Variants in TMTC1 observed in about 807,000 individuals in gnomAD.
The protein encoded by TMTC1 is protein O-mannosyl-transferase TMTC1.
TMTC1 carries 73 observed loss-of-function variants against 104.8 expected under a neutral mutation model. The observed-to-expected ratio is 0.70, with a 90% CI of 0.58 to 0.85. The LOEUF (loss-of-function observed/expected upper bound fraction) is 0.85. TMTC1 is among the 40% of genes least tolerant of loss of function. The pLI is 0.00. For missense variants in TMTC1, 1,035 were observed against 1,096.1 expected (o/e 0.94, Z 0.79); for synonymous variants, 434 against 428.7 (o/e 1.01, Z -0.15).
intron 5 of TMTC1, among the ~76,000 whole-genome samples, chr12:29,669,099 A>G (rs1002320322): frequency 1.7e-5 from 2 of 119,428 alleles, no homozygotes; most frequent in African/African-American, 7.3e-5. Context: ...GGAGTGGGAC[A>G]GATGAGGATG....
intron 17 of TMTC1, among the ~76,000 whole-genome samples, chr12:29,507,233 A>G (rs1943717688): frequency 6.6e-6 from 1 of 152,120 alleles, no homozygotes; most frequent in Admixed American, 6.5e-5. Context: ...TGGCAGAAAA[A>G]CAGATTTTCA....
chr12:29,701,196 G>C (rs747516828), intron 5 of TMTC1, among the ~76,000 whole-genome samples: 1 of 152,098 alleles, frequency 6.6e-6, no homozygotes, highest in Non-Finnish European at 1.5e-5. Context: ...ATTGAGTAGA[G>C]CTCCATGGGA....
In TMTC1 at chr12:29,758,748, C is replaced by T; in HGVS notation, c.510G>A (p.Val170=). The change falls in exon 3 of 18, where the codon GTG becomes GTA. Residue 170 remains valine, a synonymous_variant. Transcript: ENST00000539277. ...AVAGIVGRAD[V]LACLLFLLAF... ...CCAATAGAAACAGCAGACACGCTAA[C>T]ACGTCCGCTCTGCCAACGATCCCAG... The T allele has an allele frequency of 1.9e-6, 3 of 1,611,504 alleles. No individual in the cohort carries two copies. The highest frequency in any genetic ancestry group is 8.5e-7 in the Non-Finnish European group (1 of 1,179,170).
chr12:29,780,296 T>C (rs1943804396), intron 1 of TMTC1, among the ~76,000 whole-genome samples: 2 of 152,298 alleles, frequency 1.3e-5, no homozygotes, highest in South Asian at 2.1e-4. Context: ...ATCCATACAA[T>C]GGAATACAAC....
rs558388518 is a variant in TMTC1 at position 29,702,629 on chromosome 12, G to A, written c.938+49037C>T. Among the ~76,000 whole-genome samples the A allele has an allele frequency of 4.6e-5, 7 of 152,258 alleles. No individual in the cohort carries two copies. The South Asian group carries it at 1.5e-3, about 32-fold the overall frequency. ...CTTTTCCACAAAAGTGCATCACTAAGCGCAGTGCACACTCAATGGGAACAG... is the reference window on the plus strand; with the variant it reads ...CTTTTCCACAAAAGTGCATCACTAAACGCAGTGCACACTCAATGGGAACAG... On this transcript the variant is annotated intron_variant, in intron 5 of 17. Transcript: ENST00000539277.
chr12:29,767,059 C>G (rs1943481779), intron 2 of TMTC1, among the ~76,000 whole-genome samples: 1 of 151,924 alleles, frequency 6.6e-6, no homozygotes, highest in Non-Finnish European at 1.5e-5. Flanking sequence ...AAGTGATTCT[C>G]CTGCCTCAGC....
chr12:29,573,115 C>T (rs1166961421), intron 8 of TMTC1, among the ~76,000 whole-genome samples: 2 of 152,094 alleles, frequency 1.3e-5, no homozygotes, highest in African/African-American at 4.8e-5. Context: ...TTGCACAGTA[C>T]TCGGGGGTGC....
intron 5 of TMTC1, among the ~76,000 whole-genome samples, chr12:29,665,255 A>T (rs946228534): frequency 1.3e-5 from 2 of 152,200 alleles, no homozygotes; most frequent in Non-Finnish European, 2.9e-5. Context: ...ATATGAAAAA[A>T]CAGTTGAACA....
chr12:29,779,090 C>T (rs980858249), intron 1 of TMTC1, among the ~76,000 whole-genome samples: 1 of 152,184 alleles, frequency 6.6e-6, no homozygotes, highest in East Asian at 1.9e-4. Context: ...CACACCTGCA[C>T]CATGATTCCA....
rs778675373 is a variant in TMTC1 at position 29,627,389 on chromosome 12, A to G, written c.1128+5758T>C. Among the ~76,000 whole-genome samples, 95 of 152,336 alleles carry G rather than the reference A, an allele frequency of 6.2e-4. 1 individual carries two copies. The highest frequency in any genetic ancestry group is 1.1e-3 in the Non-Finnish European group (77 of 68,028). On this transcript the variant is annotated intron_variant, in intron 6 of 17. Coordinates refer to ENST00000539277, the MANE Select transcript of TMTC1 (RefSeq NM_001193451.2). ...TTCATTGATCATTAAGGAAATGCAA[A>G]TCACAACCACAATAAGTCACCTCTT...
chr12:29,779,113 A>G (rs939224748), intron 1 of TMTC1, among the ~76,000 whole-genome samples: 3 of 152,226 alleles, frequency 2.0e-5, no homozygotes, highest in African/African-American at 7.2e-5. Flanking sequence ...TAGCTGAAAG[A>G]CGAGATCTGG....
At chr12:29,600,662 T>C (rs1351027785) in intron 7 of TMTC1, among the ~76,000 whole-genome samples, 2 of 152,184 alleles carry the variant, frequency 1.3e-5, no homozygotes, top group Non-Finnish European at 2.9e-5. Flanking sequence ...AACTCTCAAA[T>C]GAGGTCAGGA....
intron 5 of TMTC1, among the ~76,000 whole-genome samples, chr12:29,736,259 G>T (rs1047550297): frequency 2.1e-5 from 1 of 48,324 alleles, no homozygotes; most frequent in African/African-American, 9.7e-5. Context: ...CTTAGGTAAA[G>T]CCAAAAAAAA....
intron 5 of TMTC1, among the ~76,000 whole-genome samples, chr12:29,674,283 C>G (rs987840113): frequency 6.7e-6 from 1 of 150,130 alleles, no homozygotes; most frequent in Non-Finnish European, 1.5e-5. Context: ...AAAAATATTT[C>G]TATGAGATGA....
In TMTC1 at chr12:29,755,865, A is replaced by C. The variant is rs1422297167; in HGVS notation, c.575T>G (p.Val192Gly). 1 of 1,614,048 alleles carries C rather than the reference A, an allele frequency of 6.2e-7. No homozygotes were observed. The highest frequency in any genetic ancestry group is 1.3e-5 in the African/African-American group (1 of 74,942). The change falls in exon 4 of 18, where the codon GTT becomes GGT. Residue 192 changes from valine (V) to glycine (G), a missense_variant. Val to Gly is a moderately radical substitution (Grantham distance 109). Transcript: ENST00000539277. ...SYNRSLDQGC[V>G]GGSFPSTVSP... is the part of the protein sequence containing the mutation. ...CACCGTGGAAGGGAAACTTCCCCCA[A>C]CACAGCCCTGATCCAGACTCCTGAA... is the stretch of plus-strand genomic sequence containing the variant.
At chr12:29,644,104 AATAT>A (rs1177440941) in intron 5 of TMTC1, among the ~76,000 whole-genome samples, 8 of 59,612 alleles carry the variant, frequency 1.3e-4, no homozygotes, top group African/African-American at 5.0e-4. Context: ...TAAATATATA[AATAT>A]ATATGTGTGT....
chr12:29,755,771 G>A lies in TMTC1; in HGVS notation c.669C>T (p.Ile223=), dbSNP rs1486583283. The change falls in exon 4 of 18, where the codon ATC becomes ATT. Residue 223 remains isoleucine, a synonymous_variant. Coordinates refer to ENST00000539277, the MANE Select transcript of TMTC1 (RefSeq NM_001193451.2). ...AAACCAAGCACACTCCAAACACCGT[G>A]ATGCCTGTCTCTTTCACCAGCATCG... ...TCAMLVKETG[I]TVFGVCLVYD... 1.9e-6 allele frequency: 3 copies of A among 1,614,156 alleles called. No homozygotes were observed. The highest frequency in any genetic ancestry group is 2.5e-6 in the Non-Finnish European group (3 of 1,180,024).
chr12:29,509,488 G>A (rs1306321075), intron 17 of TMTC1, among the ~76,000 whole-genome samples: 1 of 152,250 alleles, frequency 6.6e-6, no homozygotes, highest in East Asian at 1.9e-4. Flanking sequence ...GGGAAGGAGC[G>A]AGGCCTAGGA....
In TMTC1 at chr12:29,586,740, T is replaced by C. The variant is rs1028279500; in HGVS notation, c.1251-3166A>G. On this transcript the variant is annotated intron_variant, in intron 7 of 17. Coordinates refer to ENST00000539277, the MANE Select transcript of TMTC1 (RefSeq NM_001193451.2). ...CTGTTTACATGCTGGATTACGTTTA[T>C]TGATTTTCGAATGTTAAACCAGCCT... Among the ~76,000 whole-genome samples, 7 of 146,856 alleles carry C rather than the reference T, an allele frequency of 4.8e-5. 1 individual carries two copies. Among genetic ancestry groups the C allele is most frequent in the Non-Finnish European group, 7.4e-5 (5 of 67,200 alleles).
Sources: allele counts gnomAD v4.1 joint callset (sites outside exome capture counted in the v4.1 genomes callset), GRCh38; gene constraint gnomAD v4.1.1; transcripts MANE v1.5; gene names NCBI Gene and HGNC (gene_info 2026-07-23, HGNC 2026-07-21).